NFATC1: variants seen among roughly 807,000 people sequenced by gnomAD.
The protein encoded by NFATC1 is nuclear factor of activated T cells 1, also known as nuclear factor of activated T-cells, cytoplasmic 1.
Under a neutral mutation model 76.0 loss-of-function variants are expected in NFATC1, and 22 were observed. The ratio of observed to expected loss-of-function variants is 0.29; its 90% CI spans 0.21 to 0.41. NFATC1 has a LOEUF of 0.41. Among genes scored for constraint, NFATC1 ranks in the 10% least tolerant of loss-of-function variants. NFATC1 has a pLI of 1.00. For missense variants in NFATC1, 1,357 were observed against 1,337.7 expected (o/e 1.01, Z -0.23); for synonymous variants, 704 against 613.1 (o/e 1.15, Z -2.19).
intron 8 of NFATC1, among the ~76,000 whole-genome samples, chr18:79,473,364 G>A (rs139350295): frequency 1.2e-4 from 19 of 152,410 alleles, no homozygotes; most frequent in South Asian, 2.1e-4. Flanking sequence ...TGAGAGAAGC[G>A]TGTTCTCACG....
intron 8 of NFATC1, chr18:79,469,676 G>A: frequency 1.0e-6 from 1 of 985,938 alleles, no homozygotes; most frequent in Non-Finnish European, 1.2e-6. Context: ...CTCAACGCAG[G>A]CCAGGTTCCC....
At chr18:79,440,687 G>T (rs1483019434) in intron 3 of NFATC1, among the ~76,000 whole-genome samples, 1 of 152,258 alleles carries the variant, frequency 6.6e-6, no homozygotes, top group Non-Finnish European at 1.5e-5. Context: ...GCACTGTCCA[G>T]TGCTGAGGGT....
intron 8 of NFATC1, among the ~76,000 whole-genome samples, chr18:79,482,738 G>T (rs2089332735): frequency 1.4e-5 from 2 of 142,832 alleles, no homozygotes; most frequent in Admixed American, 7.0e-5. Flanking sequence ...CTGCTCCTGA[G>T]GTGTCACTCC....
chr18:79,489,073 C>T (rs116606111), intron 9 of NFATC1, among the ~76,000 whole-genome samples: 1,573 of 152,328 alleles, frequency 0.01, 28 homozygotes, highest in African/African-American at 0.032. Context: ...TTACCCAGCC[C>T]GTTACTGCCA....
chr18:79,402,495 A>G, intron 1 of NFATC1: 1 of 704,750 alleles, frequency 1.4e-6, no homozygotes, highest in Non-Finnish European at 1.7e-6. Flanking sequence ...GGCCCTCCGG[A>G]GCTGCGCCCT....
In NFATC1 at chr18:79,468,177, CAA is replaced by C. The variant is rs61117381; in HGVS notation, c.2092+609_2092+610del. 84 of 132,792 alleles carry C rather than the reference CAA, an allele frequency of 6.3e-4. 1 individual carries two copies. Among genetic ancestry groups the C allele is most frequent in the African/African-American group, 1.5e-3 (54 of 37,010 alleles). The allele number at this position is 132,792 out of a possible 1,614,324, so 8.2% of individuals were successfully genotyped here. ...TGGGAATGGCTCCTTTTCACTCATACAAAAAAAAAAAAAAATCATCTTACCTT... is the reference window on the plus strand; with the variant it reads ...TGGGAATGGCTCCTTTTCACTCATACAAAAAAAAAAAAATCATCTTACCTT... On this transcript the variant is annotated intron_variant, in intron 8 of 9. Coordinates refer to ENST00000427363, the MANE Select transcript of NFATC1 (RefSeq NM_001278669.2).
At chr18:79,516,271 T>C (rs190193975) in intron 9 of NFATC1, among the ~76,000 whole-genome samples, 1 of 152,200 alleles carries the variant, frequency 6.6e-6, no homozygotes, top group East Asian at 1.9e-4. Context: ...TGTCCCGTCC[T>C]CTCCTTCCAA....
chr18:79,471,363 G>A (rs899043977), intron 8 of NFATC1, among the ~76,000 whole-genome samples: 2 of 152,198 alleles, frequency 1.3e-5, no homozygotes, highest in East Asian at 3.8e-4. Context: ...AAGCAGGCAG[G>A]GCCGGGAATC....
intron 1 of NFATC1, among the ~76,000 whole-genome samples, chr18:79,401,612 A>G (rs1329074750): frequency 2.6e-5 from 4 of 152,162 alleles, no homozygotes; most frequent in Non-Finnish European, 5.9e-5. Flanking sequence ...TTGAGCCAGG[A>G]CATTTCAGCA....
rs1415804660 is a variant in NFATC1 at position 79,395,995 on chromosome 18, A to AGGGCGCGGGCACCG, written c.-218_-205dup. The AGGGCGCGGGCACCG allele has an allele frequency of 7.6e-6, 2 of 263,036 alleles. No individual in the cohort carries two copies. The highest frequency in any genetic ancestry group is 6.6e-6 in the Non-Finnish European group (1 of 151,984). 16.3% of individuals were successfully genotyped at this position (263,036 alleles called of 1,614,324 possible). A position where few individuals can be genotyped will look rare whatever the true frequency, so the allele number is the denominator to read the frequency against. On this transcript the variant is annotated 5_prime_UTR_variant, in exon 1 of 10. Transcript: ENST00000427363. ...AGTCGCCGCGCCAGATCCCAGCAGC[A>AGGGCGCGGGCACCG]GGGCGCGGGCACCGGGGCGCGGGCA...
At chr18:79,461,556 G>A (rs1169685091) in intron 7 of NFATC1, among the ~76,000 whole-genome samples, 190 bp downstream of exon 7, 1 of 152,208 alleles carries the variant, frequency 6.6e-6, no homozygotes, top group Non-Finnish European at 1.5e-5. Context: ...ACTCGCCAAA[G>A]CACCATGTGC....
At chr18:79,441,966 C>T (rs1277841041) in intron 3 of NFATC1, among the ~76,000 whole-genome samples, 2 of 152,134 alleles carry the variant, frequency 1.3e-5, no homozygotes, top group Non-Finnish European at 2.9e-5. Flanking sequence ...TGGGCGCTTC[C>T]AGGTGCGTTG....
intron 1 of NFATC1, among the ~76,000 whole-genome samples, chr18:79,406,027 T>C (rs1230794640): frequency 6.6e-6 from 1 of 152,144 alleles, no homozygotes; most frequent in Non-Finnish European, 1.5e-5. Context: ...CTGCCCCGTT[T>C]CATCTAGAAC....
intron 3 of NFATC1, chr18:79,448,450 C>A: frequency 2.8e-6 from 1 of 359,924 alleles, no homozygotes; most frequent in South Asian, 3.4e-5. Flanking sequence ...GTGAAGCGAG[C>A]CTTGCACATG....
chr18:79,455,908 C>T (rs1391566521), intron 6 of NFATC1, among the ~76,000 whole-genome samples: 1 of 152,238 alleles, frequency 6.6e-6, no homozygotes, highest in Middle Eastern at 3.2e-3. Flanking sequence ...TTTCTCCACA[C>T]AGCAGCAGGC....
At chr18:79,464,705 TA>T (rs202026539) in intron 7 of NFATC1, among the ~76,000 whole-genome samples, 10,359 of 119,758 alleles carry the variant, frequency 0.086, 1,093 homozygotes, top group African/African-American at 0.17. Context: ...TTTATTTATT[TA>T]TTTATTTTTT....
intron 7 of NFATC1, among the ~76,000 whole-genome samples, chr18:79,461,800 C>G (rs11665496): frequency 1.3e-5 from 2 of 152,062 alleles, no homozygotes; most frequent in Non-Finnish European, 2.9e-5. Context: ...TGCCCAGACC[C>G]GCTCACAGCA....
chr18:79,424,973 GTCTC>G (rs1316747296), intron 2 of NFATC1, among the ~76,000 whole-genome samples: 1 of 100,362 alleles, frequency 1.0e-5, no homozygotes, highest in Non-Finnish European at 1.9e-5. Context: ...CTCCGTCTCT[GTCTC>G]TCTGTCTCTC....
At chr18:79,406,142 G>GC (rs2085429817) in intron 1 of NFATC1, among the ~76,000 whole-genome samples, 3 of 150,676 alleles carry the variant, frequency 2.0e-5, no homozygotes, top group South Asian at 4.2e-4. Context: ...TGGTGGGGAG[G>GC]CCCCAAGACT....
Sources: allele counts gnomAD v4.1 joint callset (sites outside exome capture counted in the v4.1 genomes callset), GRCh38; gene constraint gnomAD v4.1.1; transcripts MANE v1.5; gene names NCBI Gene and HGNC (gene_info 2026-07-23, HGNC 2026-07-21).